Variants in PTPN21 observed in about 807,000 individuals in gnomAD.
The protein encoded by PTPN21 is protein tyrosine phosphatase non-receptor type 21, also known as tyrosine-protein phosphatase non-receptor type 21.
Under a neutral mutation model 131.8 loss-of-function variants are expected in PTPN21, and 77 were observed. The observed-to-expected ratio is 0.58, with a 90% confidence interval of 0.49 to 0.71. The LOEUF is 0.71. Among genes scored for constraint, PTPN21 ranks in the 30% least tolerant of loss-of-function variants. PTPN21 has a pLI of 0.00. For missense variants in PTPN21, 1,552 were observed against 1,527.1 expected (o/e 1.02, Z -0.27); for synonymous variants, 715 against 621.3 (o/e 1.15, Z -2.24).
In PTPN21 at chr14:88,519,485, T is replaced by C. The variant is rs116255545; in HGVS notation, c.181-2224A>G. On this transcript the variant is annotated intron_variant, in intron 2 of 18. Transcript: ENST00000556564. ...AGCTGCAAGTATCTAGTGGCTACTG[T>C]ATTGGATAGTATAGATTTAAAGCAA... 4.6e-3 allele frequency among the ~76,000 whole-genome samples: 699 copies of C among 152,328 alleles called. 7 individuals carry two copies. Among genetic ancestry groups the C allele is most frequent in the African/African-American group, 0.015 (644 of 41,574 alleles).
At chr14:88,534,364 C>T (rs534397896) in intron 2 of PTPN21, among the ~76,000 whole-genome samples, 1 of 137,488 alleles carries the variant, frequency 7.3e-6, no homozygotes, top group Non-Finnish European at 1.6e-5. Context: ...GCCTGGGCAA[C>T]AAAGTAAGAC....
intron 3 of PTPN21, 140 bp from the exon 4 acceptor site, chr14:88,508,160 T>C: frequency 1.8e-6 from 1 of 543,170 alleles, no homozygotes; most frequent in Non-Finnish European, 3.2e-6. Flanking sequence ...GTTTTTTTTT[T>C]TTTTTTTAGA....
intron 2 of PTPN21, among the ~76,000 whole-genome samples, chr14:88,544,002 C>T (rs2078740710): frequency 6.6e-6 from 1 of 151,862 alleles, no homozygotes; most frequent in African/African-American, 2.4e-5. Context: ...AAAAAATAAC[C>T]TTGAAGAGAC....
intron 10 of PTPN21, chr14:88,492,806 C>T: frequency 4.7e-6 from 1 of 214,604 alleles, no homozygotes; most frequent in South Asian, 6.1e-5. Flanking sequence ...GCTCTTCTCC[C>T]CTGTGACTCC....
chr14:88,543,907 C>G (rs1384626367), intron 2 of PTPN21, among the ~76,000 whole-genome samples: 1 of 152,106 alleles, frequency 6.6e-6, no homozygotes, highest in Non-Finnish European at 1.5e-5. Context: ...GACGCCCCAG[C>G]ATGCACACAC....
Position 88,479,837 on chromosome 14 carries a change from G to GC in PTPN21, c.1593dup (p.Pro532AlafsTer167). The stretch of plus-strand genomic sequence containing the variant: ...GGCACGCTGACCGCGCCCACCACGG[G>GC]CCGCCGCTCGGCAGGGTAGGGGTAG... On this transcript the variant is annotated frameshift_variant, in exon 13 of 19. Transcript: ENST00000556564. LOFTEE classifies it high-confidence loss of function. 1 of 1,552,268 alleles carries GC rather than the reference G, an allele frequency of 6.4e-7. No homozygotes were observed. The highest frequency in any genetic ancestry group is 8.7e-7 in the Non-Finnish European group (1 of 1,154,158).
rs534447698 is a variant in PTPN21, at chr14:88,521,016, A to T, written c.181-3755T>A. 6.0e-5 allele frequency among the ~76,000 whole-genome samples: 9 copies of T among 151,136 alleles called. No individual in the cohort carries two copies. In the South Asian group the frequency reaches 6.4e-4, roughly 11 times the overall value. On this transcript the variant is annotated intron_variant, in intron 2 of 18. Transcript: ENST00000556564. ...TGCCACCACACCAGGCTATATATAT[A>T]TATTTTTTTTGGTCAAGAGAGGGTC...
intron 2 of PTPN21, among the ~76,000 whole-genome samples, chr14:88,526,218 G>C (rs1320160754): frequency 6.6e-6 from 1 of 152,084 alleles, no homozygotes. Context: ...AGACAGTATT[G>C]TAATCGTACT....
At chr14:88,498,643 A>G (rs2077961940) in intron 8 of PTPN21, among the ~76,000 whole-genome samples, 1 of 152,208 alleles carries the variant, frequency 6.6e-6, no homozygotes, top group Non-Finnish European at 1.5e-5. Flanking sequence ...GAAGCAAACA[A>G]GAACTTTTAA....
rs1566804863 is a variant in PTPN21 at position 88,469,889 on chromosome 14, TGAGAAAATCACTTAA to T, written c.3000+18_3000+32del. ...TTAACATTAACTGTTCTTCAGAGGC[TGAGAAAATCACTTAA>T]GAGAAATAAGTACCTACCTCTTCTG... On this transcript the variant is annotated intron_variant, in intron 16 of 18. Coordinates refer to ENST00000556564, the MANE Select transcript of PTPN21 (RefSeq NM_007039.4). The surrounding 1 kb of genome is among the most constrained non-coding windows in gnomAD (Gnocchi z 4.3). The T allele has an allele frequency of 6.2e-7, 1 of 1,613,024 alleles. No homozygotes were observed. Among genetic ancestry groups the T allele is most frequent in the East Asian group, 2.2e-5 (1 of 44,896 alleles).
chr14:88,538,558 C>G (rs2078661182), intron 2 of PTPN21, among the ~76,000 whole-genome samples: 1 of 152,168 alleles, frequency 6.6e-6, no homozygotes, highest in Admixed American at 6.5e-5. Flanking sequence ...AAAAACCTAT[C>G]TTAAGCAAGA....
chr14:88,467,874 A>T lies in PTPN21; in HGVS notation c.*263T>A, dbSNP rs768460932. 4 of 466,934 alleles carry T rather than the reference A, an allele frequency of 8.6e-6. No homozygotes were observed. Among genetic ancestry groups the T allele is most frequent in the Non-Finnish European group, 1.5e-5 (4 of 264,558 alleles). 28.9% of individuals were successfully genotyped at this position (466,934 alleles called of 1,614,324 possible). ...AAATACAATCTCCAAAATGTGTGCA[A>T]GTACTGCAAACCGGACAGACCGGGG... On this transcript the variant is annotated 3_prime_UTR_variant, in exon 19 of 19. Transcript: ENST00000556564.
At chr14:88,518,372 GTA>G (rs200264650) in intron 2 of PTPN21, among the ~76,000 whole-genome samples, 2,314 of 27,330 alleles carry the variant, frequency 0.085, 177 homozygotes, top group East Asian at 0.15. Context: ...ACGTGTGTGT[GTA>G]TGTGTGTGTG....
At chr14:88,504,089 T>C (rs1273053502) in intron 6 of PTPN21, among the ~76,000 whole-genome samples, 1 of 152,158 alleles carries the variant, frequency 6.6e-6, no homozygotes, top group Non-Finnish European at 1.5e-5. Flanking sequence ...CGTTAACCTA[T>C]ACAGGTTTGT....
chr14:88,527,349 A>G (rs1595402837), intron 2 of PTPN21, among the ~76,000 whole-genome samples: 1 of 152,196 alleles, frequency 6.6e-6, no homozygotes, highest in East Asian at 1.9e-4. Context: ...TATGGCCATT[A>G]TTGCAGGAGT....
rs933812631 is a variant in PTPN21 at position 88,501,254 on chromosome 14, G to A, written c.675+27C>T. ...TCAAATTTGTAAGCCTAACTTTAAA[G>A]AGCCCCAGCCGCCAAGCCACACTTA... On this transcript the variant is annotated intron_variant, in intron 7 of 18. Transcript: ENST00000556564. 7 of 1,565,504 alleles carry A rather than the reference G, an allele frequency of 4.5e-6. No individual in the cohort carries two copies. In the African/African-American group the frequency reaches 6.8e-5, roughly 15 times the overall value.
chr14:88,489,549 C>T (rs2077790446), intron 10 of PTPN21, among the ~76,000 whole-genome samples: 1 of 152,058 alleles, frequency 6.6e-6, no homozygotes, highest in Non-Finnish European at 1.5e-5. Flanking sequence ...AAGCTGAGGG[C>T]TGAGGCCAGT....
intron 2 of PTPN21, among the ~76,000 whole-genome samples, chr14:88,532,336 A>G (rs1267791167): frequency 2.6e-5 from 4 of 151,918 alleles, no homozygotes; most frequent in Non-Finnish European, 5.9e-5. Flanking sequence ...CTATTTTAAA[A>G]TGTTTAAATA....
intron 6 of PTPN21, among the ~76,000 whole-genome samples, chr14:88,503,175 A>G (rs1334231115): frequency 6.6e-6 from 1 of 151,750 alleles, no homozygotes; most frequent in Non-Finnish European, 1.5e-5. Context: ...AGCTGAGACT[A>G]CCGGTGCATG....
Sources: gnomAD v4.1 joint callset for allele counts (sites outside exome capture counted in the v4.1 genomes callset) on GRCh38, gnomAD v4.1.1 for gene constraint, Gnocchi (gnomAD v3.1) non-coding constraint, MANE v1.5 for transcripts, NCBI Gene and HGNC (gene_info 2026-07-23, HGNC 2026-07-21) for gene names.